FBXW7: variants seen among roughly 807,000 people sequenced by gnomAD.
FBXW7 encodes the protein F-box and WD repeat domain containing 7, also known as F-box/WD repeat-containing protein 7.
A neutral mutation model predicts 86.3 loss-of-function variants in FBXW7; 11 were observed. The ratio of observed to expected loss-of-function variants is 0.13; its 90% CI spans 0.08 to 0.21. The LOEUF is 0.21. Ranked by LOEUF, FBXW7 falls within the 10% of genes least tolerant of loss-of-function variation. The pLI, the probability that FBXW7 is intolerant of heterozygous loss-of-function variation, is 1.00. For missense variants in FBXW7, 488 were observed against 847.4 expected (o/e 0.58, Z 5.27); for synonymous variants, 313 against 297.9 (o/e 1.05, Z -0.52).
rs560217971 is a variant in FBXW7, at chr4:152,366,646, G to A, written c.502-16522C>T. 8.5e-5 allele frequency among the ~76,000 whole-genome samples: 13 copies of A among 152,252 alleles called. No individual in the cohort carries two copies. In the South Asian group the frequency reaches 1.5e-3, roughly 17 times the overall value. ...TCAGGAAACAACAGGTGCTGGAGAC[G>A]ATGTGGAGAAGAAATAGGAACTCTT... On this transcript the variant is annotated intron_variant, in intron 4 of 13. Transcript: ENST00000281708.
intron 2 of FBXW7, among the ~76,000 whole-genome samples, chr4:152,469,187 A>C (rs1023069835): frequency 6.6e-6 from 1 of 152,088 alleles, no homozygotes; most frequent in South Asian, 2.1e-4. Context: ...CCAAAAGCCT[A>C]TACTATGACA....
At chr4:152,496,360 T>TAA (rs199903012) in intron 2 of FBXW7, among the ~76,000 whole-genome samples, 2 of 145,096 alleles carry the variant, frequency 1.4e-5, no homozygotes, top group African/African-American at 5.0e-5. Flanking sequence ...CATAAAAACC[T>TAA]AAAAAAAAAA....
intron 6 of FBXW7, among the ~76,000 whole-genome samples, chr4:152,344,831 T>C (rs1731098489): frequency 6.6e-6 from 1 of 152,090 alleles, no homozygotes; most frequent in Non-Finnish European, 1.5e-5. Context: ...AAATGAGCCC[T>C]ACCACAGAAA....
rs1740998065 is a variant in FBXW7 at position 152,442,617 on chromosome 4, C to T, written c.-119-30088G>A. On this transcript the variant is annotated intron_variant, in intron 2 of 13. Transcript: ENST00000281708. ...AGCAGGCGATCGTTAAATGCCAGTA[C>T]ACATGTACTGACCAGATTAAAGGAC... Among the ~76,000 whole-genome samples, 4 of 152,180 alleles carry T rather than the reference C, an allele frequency of 2.6e-5. No homozygotes were observed. In the South Asian group the frequency reaches 8.3e-4, roughly 32 times the overall value.
intron 2 of FBXW7, among the ~76,000 whole-genome samples, chr4:152,527,486 G>A (rs1307958319): frequency 6.6e-6 from 1 of 152,130 alleles, no homozygotes; most frequent in Non-Finnish European, 1.5e-5. Context: ...CACACACTCT[G>A]ACCGGGCACT....
At chr4:152,324,473 G>C in intron 12 of FBXW7, 79 bp from the exon 13 acceptor site, 2 of 1,179,640 alleles carry the variant, frequency 1.7e-6, no homozygotes, top group Non-Finnish European at 2.4e-6. Context: ...TAGTAGGAAA[G>C]GGGGAAGAGG....
intron 2 of FBXW7, among the ~76,000 whole-genome samples, chr4:152,478,516 T>C (rs759299638): frequency 5.9e-5 from 9 of 152,292 alleles, no homozygotes; most frequent in Middle Eastern, 3.4e-3. Flanking sequence ...GTAATGCTGC[T>C]ATGAACACTG....
intron 4 of FBXW7, among the ~76,000 whole-genome samples, chr4:152,392,495 C>G (rs73865431): frequency 0.018 from 2,698 of 152,120 alleles, 91 homozygotes; most frequent in African/African-American, 0.061. Context: ...TCTGGGTCAG[C>G]CCTCAGCTGT....
Position 152,401,983 on chromosome 4 carries a change from T to A in FBXW7, c.501+9320A>T, listed in dbSNP as rs532439627. 7.9e-5 allele frequency among the ~76,000 whole-genome samples: 12 copies of A among 152,210 alleles called. No individual in the cohort carries two copies. In the South Asian group the frequency reaches 1.7e-3, roughly 21 times the overall value. On this transcript the variant is annotated intron_variant, in intron 4 of 13. Coordinates refer to ENST00000281708, the MANE Select transcript of FBXW7 (RefSeq NM_001349798.2). Reference sequence around the variant, plus strand: ...ATTTCTTCTTACCAGATTGGAGGGATAGAAGAAAAAAGATACATATGAAAT... The same window carrying A: ...ATTTCTTCTTACCAGATTGGAGGGAAAGAAGAAAAAAGATACATATGAAAT...
intron 2 of FBXW7, among the ~76,000 whole-genome samples, chr4:152,516,041 C>T (rs943794813): frequency 7.2e-5 from 11 of 152,204 alleles, no homozygotes; most frequent in Non-Finnish European, 1.6e-4. Flanking sequence ...TTCCCACAAC[C>T]GGTGAGCCTG....
At chr4:152,445,579 G>A (rs1197280669) in intron 2 of FBXW7, among the ~76,000 whole-genome samples, 1 of 152,052 alleles carries the variant, frequency 6.6e-6, no homozygotes, top group Non-Finnish European at 1.5e-5. Context: ...ATAATCATTA[G>A]AGTCTTTCTC....
chr4:152,424,474 C>T (rs892665141), intron 2 of FBXW7, among the ~76,000 whole-genome samples: 6 of 152,314 alleles, frequency 3.9e-5, no homozygotes, highest in South Asian at 4.1e-4. Flanking sequence ...TTAAAACTCT[C>T]TTCATCTCTT....
chr4:152,495,414 C>T (rs182288734), intron 2 of FBXW7, among the ~76,000 whole-genome samples: 114 of 152,142 alleles, frequency 7.5e-4, no homozygotes, highest in Non-Finnish European at 1.3e-3. Context: ...CCACTTCAGC[C>T]TGGGCAACAG....
At chr4:152,411,209 T>C (rs1737920753) in intron 4 of FBXW7, 94 bp downstream of exon 4, 1 of 1,394,970 alleles carries the variant, frequency 7.2e-7, no homozygotes, top group Admixed American at 2.8e-5. Context: ...TTAAGATTAA[T>C]TTTTAGTAAT....
chr4:152,351,662 G>C (rs753313574), intron 4 of FBXW7, among the ~76,000 whole-genome samples: 9 of 152,102 alleles, frequency 5.9e-5, no homozygotes, highest in Non-Finnish European at 1.2e-4. Flanking sequence ...TACAGACTAT[G>C]TTAAAATCTA....
At chr4:152,382,542 A>G in intron 4 of FBXW7, 1 of 1,106,764 alleles carries the variant, frequency 9.0e-7, no homozygotes, top group East Asian at 4.1e-5. Context: ...ACTATCCTAG[A>G]ATAGCCAGGA....
rs556955764 is a variant in FBXW7 at position 152,524,767 on chromosome 4, T to C, written c.-120+10174A>G. 1.1e-4 allele frequency among the ~76,000 whole-genome samples: 16 copies of C among 152,314 alleles called. No homozygotes were observed. The South Asian group carries it at 3.1e-3, about 30-fold the overall frequency. On this transcript the variant is annotated intron_variant, in intron 2 of 13. Coordinates refer to ENST00000281708, the MANE Select transcript of FBXW7 (RefSeq NM_001349798.2). ...ATTTATTTTAAAAAAAAGGAAATTT[T>C]GTTTCCTGTCTAAATGTCTAAATCT...
chr4:152,521,249 G>GA (rs1427094825), intron 2 of FBXW7, among the ~76,000 whole-genome samples: 2 of 151,928 alleles, frequency 1.3e-5, no homozygotes, highest in Non-Finnish European at 2.9e-5. Flanking sequence ...GTAACCAGTG[G>GA]AAAAAAATAA....
At chr4:152,337,597 C>T (rs954960715) in intron 7 of FBXW7, 2 of 464,328 alleles carry the variant, frequency 4.3e-6, no homozygotes, top group Non-Finnish European at 7.6e-6. Context: ...AAAGGAGTTA[C>T]TTAGTTCACA....
Sources: gnomAD v4.1 joint callset for allele counts (sites outside exome capture counted in the v4.1 genomes callset) on GRCh38, gnomAD v4.1.1 for gene constraint, MANE v1.5 for transcripts, NCBI Gene and HGNC (gene_info 2026-07-23, HGNC 2026-07-21) for gene names.